Variants in CROCC observed in about 807,000 individuals in gnomAD.
CROCC encodes the protein ciliary rootlet coiled-coil, rootletin, also known as rootletin.
Under a neutral mutation model 245.2 loss-of-function variants are expected in CROCC, and 180 were observed. The ratio of observed to expected loss-of-function variants is 0.73; its 90% CI spans 0.65 to 0.83. The LOEUF (loss-of-function observed/expected upper bound fraction) is 0.83. Ranked by LOEUF, CROCC falls within the 40% of genes least tolerant of loss-of-function variation. The pLI is 0.00. For synonymous variants in CROCC, 1,205 were observed against 1,241.6 expected, an observed-to-expected ratio of 0.97 and a Z score of 0.62; for missense variants, 2,688 against 2,779.4, an observed-to-expected ratio of 0.97 and a Z score of 0.74.
intron 1 of CROCC, among the ~76,000 whole-genome samples, chr1:16,914,625 G>T (rs1426618579): frequency 6.6e-6 from 1 of 152,288 alleles, no homozygotes; most frequent in Non-Finnish European, 1.5e-5. Flanking sequence ...GCATAGTTGG[G>T]CTGGCCACGG....
intron 30 of CROCC, 63 bp from the exon 31 acceptor site, chr1:16,968,140 G>C: frequency 6.7e-7 from 1 of 1,494,506 alleles, no homozygotes; most frequent in South Asian, 1.2e-5. Flanking sequence ...GGGCCCCAGG[G>C]CGTGTGCGGG....
chr1:16,933,000 G>T (rs1362993294), intron 8 of CROCC, among the ~76,000 whole-genome samples: 2 of 152,214 alleles, frequency 1.3e-5, no homozygotes, highest in Non-Finnish European at 2.9e-5. Flanking sequence ...TTGTAGAGTC[G>T]AGGTCTCACT....
intron 31 of CROCC, among the ~76,000 whole-genome samples, chr1:16,968,873 A>C (rs866701671): frequency 2.0e-5 from 3 of 152,214 alleles, no homozygotes; most frequent in African/African-American, 7.2e-5. Flanking sequence ...GAGACCAGGG[A>C]GTCTGAGACA....
At chr1:16,922,614 G>A (rs1316722330) in intron 1 of CROCC, 49 bp from the exon 2 acceptor site, 1 of 1,546,908 alleles carries the variant, frequency 6.5e-7, no homozygotes, top group South Asian at 1.2e-5. Context: ...ACGAGGCCAG[G>A]GAGCCCCGGG....
upstream of CROCC, among the ~76,000 whole-genome samples, chr1:16,917,281 G>T (rs1203696429): frequency 3.3e-5 from 5 of 152,310 alleles, no homozygotes; most frequent in African/African-American, 1.2e-4. Context: ...TGCCAGGAGT[G>T]TTAAAGCAGG....
At position 16,966,639 on chromosome 1, in the gene CROCC, A is replaced by G; in HGVS notation, c.4860+68A>G. On this transcript the variant is annotated intron_variant, in intron 30 of 36. Coordinates refer to ENST00000375541, the MANE Select transcript of CROCC (RefSeq NM_014675.5). The surrounding 1 kb of genome is among the most constrained non-coding windows in gnomAD (Gnocchi z 4.8). ...GTACCCGAGTGAGTGTCTAACTCTTATGTGTGTCTCCCTGTGTCTGTCTGC... is the reference window on the plus strand; with the variant it reads ...GTACCCGAGTGAGTGTCTAACTCTTGTGTGTGTCTCCCTGTGTCTGTCTGC... The G allele has an allele frequency of 5.0e-6, 7 of 1,408,086 alleles. No individual in the cohort carries two copies. The highest frequency in any genetic ancestry group is 1.5e-5 in the South Asian group (1 of 67,192). The allele number at this position is 1,408,086 out of a possible 1,614,324, so 87.2% of individuals were successfully genotyped here.
Position 16,954,612 on chromosome 1 carries a change from C to T in CROCC, c.3322-122C>T, listed in dbSNP as rs1347728815. On this transcript the variant is annotated intron_variant, in intron 22 of 36. Coordinates refer to ENST00000375541, the MANE Select transcript of CROCC (RefSeq NM_014675.5). The surrounding 1 kb of genome is among the most constrained non-coding windows in gnomAD (Gnocchi z 4.4). ...TGCATCCAGGGGTTGGCAGAGGGTC[C>T]GGCAGGCCAGCGGGAGGGGCCGTGT... is the stretch of plus-strand genomic sequence containing the variant. The T allele has an allele frequency of 8.8e-6, 12 of 1,356,054 alleles. No homozygotes were observed. Among genetic ancestry groups the T allele is most frequent in the South Asian group, 6.0e-5 (4 of 66,360 alleles). The allele number at this position is 1,356,054 out of a possible 1,614,324, so 84.0% of individuals were successfully genotyped here.
intron 36 of CROCC, 133 bp downstream of exon 36, chr1:16,971,780 G>A: frequency 1.1e-6 from 1 of 935,408 alleles, no homozygotes; most frequent in Non-Finnish European, 1.5e-6. Context: ...GGTTGGCTCT[G>A]CGCTGGTGTC....
chr1:16,965,461 G>A (rs1396769629), intron 27 of CROCC, among the ~76,000 whole-genome samples: 1 of 152,224 alleles, frequency 6.6e-6, no homozygotes, highest in Non-Finnish European at 1.5e-5. Context: ...GGCAAAGAGA[G>A]GCCATGGGGA....
intron 14 of CROCC, 117 bp from the exon 15 acceptor site, chr1:16,945,345 G>A (rs1241541928): frequency 9.5e-6 from 14 of 1,473,704 alleles, no homozygotes; most frequent in Non-Finnish European, 1.3e-5. Flanking sequence ...TGTGGCTCAG[G>A]CTGTTTCTCT....
At chr1:16,942,730 C>T (rs1281358031) in intron 13 of CROCC, among the ~76,000 whole-genome samples, 1 of 152,286 alleles carries the variant, frequency 6.6e-6, no homozygotes, top group African/African-American at 2.4e-5. Flanking sequence ...CCAAGCTTTC[C>T]ATGCCTGGAA....
chr1:16,914,260 G>T (rs1169179784), intron 1 of CROCC, among the ~76,000 whole-genome samples: 1 of 152,140 alleles, frequency 6.6e-6, no homozygotes, highest in African/African-American at 2.4e-5. Context: ...TGTGTTCCGC[G>T]ACTGCCGCGG....
chr1:16,928,274 C>T (rs1435863376), intron 3 of CROCC, among the ~76,000 whole-genome samples: 1 of 152,268 alleles, frequency 6.6e-6, no homozygotes, highest in Non-Finnish European at 1.5e-5. Context: ...TGTGTGCTCT[C>T]CCACTGCCCT....
chr1:16,937,772 G>T (rs769466803), intron 10 of CROCC, 35 bp downstream of exon 10: 4 of 1,548,474 alleles, frequency 2.6e-6, no homozygotes, highest in Admixed American at 1.7e-5. Context: ...GGGGCAGGGT[G>T]AGATGGGGTA....
intron 9 of CROCC, among the ~76,000 whole-genome samples, chr1:16,937,078 G>A (rs1175197688): frequency 3.9e-5 from 6 of 152,272 alleles, no homozygotes; most frequent in African/African-American, 1.4e-4. Flanking sequence ...CTTGTGGCCG[G>A]GTGTGGTGGC....
intron 30 of CROCC, among the ~76,000 whole-genome samples, 163 bp from the exon 31 acceptor site, chr1:16,968,040 G>T (rs141865126): frequency 6.6e-6 from 1 of 152,170 alleles, no homozygotes; most frequent in African/African-American, 2.4e-5. Flanking sequence ...TCCTGGGAAC[G>T]CATGGGGAGA....
At chr1:16,933,113 A>G (rs1443291396) in intron 8 of CROCC, among the ~76,000 whole-genome samples, 1 of 152,284 alleles carries the variant, frequency 6.6e-6, no homozygotes, top group Admixed American at 6.5e-5. Context: ...ACCTGGTTTA[A>G]TAATCTTTTG....
intron 27 of CROCC, among the ~76,000 whole-genome samples, chr1:16,961,475 TTGC>T (rs2076333634): frequency 6.6e-6 from 1 of 152,198 alleles, no homozygotes; most frequent in African/African-American, 2.4e-5. Flanking sequence ...TCTCACTATG[TTGC>T]CCAGGCTGGT....
In CROCC at chr1:16,948,910, C is replaced by T. The variant is rs368234665; in HGVS notation, c.2820C>T (p.Ala940=). ...CCGAGGGGCAGGCCCTGCTGCTGGC[C>T]AAGGAGACCCTGACTGGTACGAGGG... The part of the protein sequence containing the change: ...LEAEGQALLL[A]KETLTGELAG... Residue 940 remains alanine, a synonymous_variant, in exon 19 of 37, where the codon GCC becomes GCT. Transcript: ENST00000375541. The T allele has an allele frequency of 4.3e-6, 7 of 1,611,512 alleles. No individual in the cohort carries two copies. In the African/African-American group the frequency reaches 9.3e-5, roughly 21 times the overall value.
Sources: allele counts gnomAD v4.1 joint callset (sites outside exome capture counted in the v4.1 genomes callset), GRCh38; gene constraint gnomAD v4.1.1; non-coding constraint Gnocchi (gnomAD v3.1); transcripts MANE v1.5; gene names NCBI Gene and HGNC (gene_info 2026-07-23, HGNC 2026-07-21).